The following ARPP21 variants were observed in gnomAD, a reference collection of about 807,000 sequenced individuals.
ARPP21 encodes the protein cAMP regulated phosphoprotein 21.
ARPP21 carries 69 observed loss-of-function variants against 113.2 expected under a neutral mutation model. The ratio of observed to expected loss-of-function variants is 0.61; its 90% CI spans 0.50 to 0.74. The LOEUF is 0.74. ARPP21 is among the 30% of genes least tolerant of loss of function. The pLI is 0.00. For synonymous variants in ARPP21, 368 were observed against 375.5 expected, an observed-to-expected ratio of 0.98 and a Z score of 0.23; for missense variants, 1,070 against 1,037.4, an observed-to-expected ratio of 1.03 and a Z score of -0.43.
chr3:35,682,789 T>G (rs1383012118), intron 3 of ARPP21, 59 bp from the exon 4 acceptor site: 6 of 1,489,930 alleles, frequency 4.0e-6, no homozygotes, highest in African/African-American at 2.8e-5. Context: ...GGTTGTTGAT[T>G]TACTGTTCGT....
chr3:35,794,094 TAAAC>T lies in ARPP21; in HGVS notation c.*140_*143del, dbSNP rs1054109711. 8.7e-6 allele frequency: 7 copies of T among 805,086 alleles called. No individual in the cohort carries two copies. The highest frequency in any genetic ancestry group is 5.2e-5 in the African/African-American group (3 of 58,094). The allele number at this position is 805,086 out of a possible 1,614,324, so 49.9% of individuals were successfully genotyped here. The stretch of plus-strand genomic sequence containing the variant: ...ATTGCTGCTGGTATTCTGTAAAAAA[TAAAC>T]AAAGACTAATATACACGTTAGCTGG... On this transcript the variant is annotated 3_prime_UTR_variant, in exon 21 of 21. Transcript: ENST00000684406.
intron 19 of ARPP21, among the ~76,000 whole-genome samples, chr3:35,765,167 C>T (rs770391890): frequency 6.6e-6 from 1 of 152,096 alleles, no homozygotes; most frequent in Non-Finnish European, 1.5e-5. Flanking sequence ...ACAATATATA[C>T]ACTGATAATA....
At chr3:35,682,468 G>A (rs2079202329) in intron 3 of ARPP21, 1 of 180,702 alleles carries the variant, frequency 5.5e-6, no homozygotes, top group Admixed American at 6.1e-5. Context: ...AAAGCAAACT[G>A]CACTTACAAA....
At chr3:35,678,896 G>T (rs566587388) in intron 1 of ARPP21, 1 of 152,088 alleles carries the variant, frequency 6.6e-6, no homozygotes, top group Non-Finnish European at 1.5e-5. Context: ...TTGTGCACCA[G>T]AATAGCGTTA....
intron 19 of ARPP21, among the ~76,000 whole-genome samples, chr3:35,780,726 G>A (rs976863374): frequency 3.9e-5 from 6 of 152,204 alleles, no homozygotes; most frequent in African/African-American, 4.8e-5. Flanking sequence ...TGTTTGAGCC[G>A]CAACCGAAAC....
chr3:35,647,248 C>A (rs1341433737), intron 1 of ARPP21, among the ~76,000 whole-genome samples: 2 of 152,204 alleles, frequency 1.3e-5, no homozygotes, highest in African/African-American at 4.8e-5. Context: ...GTGTATATTG[C>A]AACAAACTTA....
chr3:35,708,033 G>T (rs1472308845), intron 10 of ARPP21, among the ~76,000 whole-genome samples: 2 of 151,954 alleles, frequency 1.3e-5, no homozygotes, highest in Admixed American at 6.6e-5. Context: ...ATCACTCTCG[G>T]TGAGTCATTC....
At chr3:35,731,066 C>T (rs1405298109) in intron 15 of ARPP21, among the ~76,000 whole-genome samples, 1 of 152,120 alleles carries the variant, frequency 6.6e-6, no homozygotes, top group Non-Finnish European at 1.5e-5. Flanking sequence ...ACTTTGTTGG[C>T]TTAAATTCTT....
At chr3:35,768,153 G>A (rs2096059847) in intron 19 of ARPP21, among the ~76,000 whole-genome samples, 1 of 149,930 alleles carries the variant, frequency 6.7e-6, no homozygotes, top group Non-Finnish European at 1.5e-5. Flanking sequence ...CATGATGAAT[G>A]AAGGATGGAG....
chr3:35,645,240 A>T (rs6799641), intron 1 of ARPP21, among the ~76,000 whole-genome samples: 32,052 of 151,724 alleles, frequency 0.21, 3,547 homozygotes, highest in African/African-American at 0.26. Flanking sequence ...CTACTTCAAG[A>T]TGATACAATT....
At chr3:35,660,902 A>C (rs993474562) in intron 1 of ARPP21, among the ~76,000 whole-genome samples, 6 of 152,210 alleles carry the variant, frequency 3.9e-5, no homozygotes, top group South Asian at 2.1e-4. Context: ...TTTGGAAGTC[A>C]CTGCTTAGCA....
At chr3:35,751,115 T>C (rs2095388605) in intron 19 of ARPP21, among the ~76,000 whole-genome samples, 2 of 152,264 alleles carry the variant, frequency 1.3e-5, no homozygotes, top group African/African-American at 4.8e-5. Flanking sequence ...GACAGCTACA[T>C]AGCAGAGTAA....
chr3:35,766,649 A>T (rs1036902100), intron 19 of ARPP21, among the ~76,000 whole-genome samples: 3 of 152,172 alleles, frequency 2.0e-5, no homozygotes, highest in East Asian at 1.9e-4. Context: ...ATACTCTCCA[A>T]GTATATTTGA....
At chr3:35,697,883 T>A (rs2084680248) in intron 9 of ARPP21, among the ~76,000 whole-genome samples, 1 of 151,684 alleles carries the variant, frequency 6.6e-6, no homozygotes, top group Non-Finnish European at 1.5e-5. Flanking sequence ...GCTCTGTGAA[T>A]AAACTGAGCA....
intron 9 of ARPP21, among the ~76,000 whole-genome samples, chr3:35,705,622 T>A (rs2088605929): frequency 6.6e-6 from 1 of 152,190 alleles, no homozygotes; most frequent in Non-Finnish European, 1.5e-5. Flanking sequence ...GGCTGTGTGA[T>A]GCCTGTGGCT....
chr3:35,770,379 C>T (rs2096155021), intron 19 of ARPP21, among the ~76,000 whole-genome samples: 1 of 152,128 alleles, frequency 6.6e-6, no homozygotes, highest in African/African-American at 2.4e-5. Context: ...GCATTCTTAG[C>T]CTTGGAACAG....
intron 19 of ARPP21, chr3:35,744,407 G>T (rs754701989): frequency 4.2e-6 from 2 of 481,848 alleles, no homozygotes; most frequent in Non-Finnish European, 8.2e-6. Context: ...GCGTGTCTCG[G>T]TGGAACTCTG....
At chr3:35,698,032 T>C (rs77033351) in intron 9 of ARPP21, among the ~76,000 whole-genome samples, 4,100 of 151,620 alleles carry the variant, frequency 0.027, 71 homozygotes, top group Non-Finnish European at 0.039. Context: ...TCTGCACTTT[T>C]TACAGGAATG....
chr3:35,693,930 C>G (rs2083008992), intron 9 of ARPP21, among the ~76,000 whole-genome samples: 2 of 151,476 alleles, frequency 1.3e-5, no homozygotes, highest in South Asian at 4.2e-4. Flanking sequence ...GCACTATAGT[C>G]TGAGAGAAAT....
Sources: allele counts gnomAD v4.1 joint callset (sites outside exome capture counted in the v4.1 genomes callset), GRCh38; gene constraint gnomAD v4.1.1; transcripts MANE v1.5; gene names NCBI Gene and HGNC (gene_info 2026-07-23, HGNC 2026-07-21).